Variants in IL34 observed in about 807,000 individuals in gnomAD.
The protein encoded by IL34 is interleukin 34, also known as interleukin-34.
Under a neutral mutation model 25.3 loss-of-function variants are expected in IL34, and 17 were observed. That is an observed-to-expected ratio of 0.67 (90% CI 0.46 to 1.01). The LOEUF is 1.01. Ranked by LOEUF, IL34 falls within the 50% of genes least tolerant of loss-of-function variation. IL34 has a pLI of 0.00. For synonymous variants in IL34, 174 were observed against 140.9 expected (o/e 1.23, Z -1.66); for missense variants, 368 against 312.9 (o/e 1.18, Z -1.33).
chr16:70,585,199 C>T (rs1339687560), intron 1 of IL34, among the ~76,000 whole-genome samples: 1 of 152,198 alleles, frequency 6.6e-6, no homozygotes, highest in Non-Finnish European at 1.5e-5. Context: ...TAAGTGGAAT[C>T]ATAATCATAC....
intron 1 of IL34, among the ~76,000 whole-genome samples, chr16:70,634,186 T>C (rs2051586532): frequency 6.6e-6 from 1 of 152,076 alleles, no homozygotes; most frequent in Admixed American, 6.6e-5. Flanking sequence ...AGTCATTGTA[T>C]TGGGCCTACT....
At chr16:70,627,224 TA>T (rs2151845227) in intron 1 of IL34, among the ~76,000 whole-genome samples, 1 of 152,296 alleles carries the variant, frequency 6.6e-6, no homozygotes, top group South Asian at 2.1e-4. Flanking sequence ...ATTTGAACTT[TA>T]ACATCTAATA....
At chr16:70,639,274 C>T (rs574612127) in intron 1 of IL34, among the ~76,000 whole-genome samples, 5 of 152,270 alleles carry the variant, frequency 3.3e-5, no homozygotes, top group Non-Finnish European at 5.9e-5. Flanking sequence ...CGTCCAGAAC[C>T]CAGCCAATCT....
Position 70,660,163 on chromosome 16 carries a change from A to G in IL34, c.705A>G (p.Ala235=). The change falls in exon 6 of 6, where the codon GCA becomes GCG. Residue 235 remains alanine (A), a synonymous_variant. Coordinates refer to ENST00000288098, the MANE Select transcript of IL34 (RefSeq NM_001393494.1). Reference sequence around the variant, plus strand: ...CGGGCTCGGTGAGGCCGGTCAGGGCACAGGGCGAGGGCCTCTTGCCCTGAG... The same window carrying G: ...CGGGCTCGGTGAGGCCGGTCAGGGCGCAGGGCGAGGGCCTCTTGCCCTGAG... ...HSTGSVRPVR[A]QGEGLLP is the part of the protein sequence containing the mutation. 6.2e-7 allele frequency: 1 copy of G among 1,602,118 alleles called. No homozygotes were observed. Among genetic ancestry groups the G allele is most frequent in the Non-Finnish European group, 8.5e-7 (1 of 1,174,916 alleles).
intron 1 of IL34, among the ~76,000 whole-genome samples, chr16:70,584,034 C>T (rs1259357812): frequency 6.6e-6 from 1 of 152,204 alleles, no homozygotes; most frequent in Non-Finnish European, 1.5e-5. Context: ...CTTCCCCTGC[C>T]CCCAAGGCAA....
intron 1 of IL34, among the ~76,000 whole-genome samples, chr16:70,629,746 A>G (rs1446285191): frequency 1.3e-5 from 2 of 151,772 alleles, no homozygotes; most frequent in Non-Finnish European, 2.9e-5. Flanking sequence ...CATAGTAGAT[A>G]TATATATTTA....
intron 1 of IL34, among the ~76,000 whole-genome samples, chr16:70,634,953 T>G (rs2051609492): frequency 6.6e-6 from 1 of 152,238 alleles, no homozygotes; most frequent in East Asian, 1.9e-4. Context: ...ACTGTCTGAT[T>G]ATGGCACAGT....
chr16:70,619,694 A>G (rs12599982), intron 1 of IL34, among the ~76,000 whole-genome samples: 87,084 of 150,764 alleles, frequency 0.58, 27,973 homozygotes, highest in African/African-American at 0.89. Flanking sequence ...GATGGTCTAC[A>G]GGGCTTTCGA....
chr16:70,637,034 G>A (rs1410495969), intron 1 of IL34, among the ~76,000 whole-genome samples: 4 of 151,732 alleles, frequency 2.6e-5, no homozygotes, highest in South Asian at 4.2e-4. Flanking sequence ...CTAATTTTTT[G>A]TATTTTTAGT....
At chr16:70,624,298 C>A (rs1461693613) in intron 1 of IL34, among the ~76,000 whole-genome samples, 4 of 151,856 alleles carry the variant, frequency 2.6e-5, no homozygotes, top group African/African-American at 7.3e-5. Flanking sequence ...GTGGTTCAGG[C>A]ATTTGGAAGT....
chr16:70,589,111 C>T (rs1167577871), intron 1 of IL34, among the ~76,000 whole-genome samples: 2 of 151,992 alleles, frequency 1.3e-5, no homozygotes, highest in African/African-American at 4.8e-5. Context: ...GCAGGAGAAT[C>T]GCTTGAACCC....
chr16:70,638,791 A>G (rs1252050359), intron 1 of IL34, among the ~76,000 whole-genome samples: 1 of 152,158 alleles, frequency 6.6e-6, no homozygotes, highest in East Asian at 1.9e-4. Context: ...TATGTTGCCC[A>G]GGCTGGTCTC....
Position 70,646,733 on chromosome 16 carries a change from C to G in IL34, c.-215C>G. On this transcript the variant is annotated 5_prime_UTR_variant, in exon 1 of 6. Coordinates refer to ENST00000288098, the MANE Select transcript of IL34 (RefSeq NM_001393494.1). The stretch of plus-strand genomic sequence containing the variant: ...GCCATGGGACTTGCGGCCACCGCCC[C>G]CCGGCTGTCCTCCACGCTGCCGGGC... The G allele has an allele frequency of 2.0e-6, 1 of 495,984 alleles. No homozygotes were observed. The highest frequency in any genetic ancestry group is 3.5e-6 in the Non-Finnish European group (1 of 286,414). The allele number at this position is 495,984 out of a possible 1,614,324, so 30.7% of individuals were successfully genotyped here. A position where few individuals can be genotyped will look rare whatever the true frequency, so the allele number is the denominator to read the frequency against.
At position 70,646,901 on chromosome 16, in the gene IL34, C is replaced by A. The variant is rs868038962; in HGVS notation, c.-47C>A. On this transcript the variant is annotated 5_prime_UTR_variant, in exon 1 of 6. It adds an upstream start codon to the 5' untranslated region. Transcript: ENST00000288098. ...CCGTGCTTAGGCCTCTGTGGACACA[C>A]TGCTGGGGACGGCGCCTGAGCTCTC... The A allele has an allele frequency of 1.2e-5, 18 of 1,475,544 alleles. No individual in the cohort carries two copies. The Middle Eastern group carries it at 5.3e-4, about 43-fold the overall frequency. The allele number at this position is 1,475,544 out of a possible 1,614,324, so 91.4% of individuals were successfully genotyped here. A position where few individuals can be genotyped will look rare whatever the true frequency, so the allele number is the denominator to read the frequency against.
chr16:70,616,329 C>T (rs548754766), intron 1 of IL34, among the ~76,000 whole-genome samples: 28 of 152,258 alleles, frequency 1.8e-4, no homozygotes, highest in Admixed American at 1.7e-3. Flanking sequence ...TTAGTTTGCC[C>T]GCATCATTGC....
At chr16:70,615,261 C>A (rs912080506) in intron 1 of IL34, among the ~76,000 whole-genome samples, 3 of 152,200 alleles carry the variant, frequency 2.0e-5, no homozygotes, top group Non-Finnish European at 2.9e-5. Flanking sequence ...GTAATCCCAG[C>A]ACTTTGGGAG....
chr16:70,620,338 C>T (rs940659189), intron 1 of IL34, among the ~76,000 whole-genome samples: 2 of 152,134 alleles, frequency 1.3e-5, no homozygotes, highest in African/African-American at 2.4e-5. Context: ...TTCACCTTGA[C>T]TATGCCTTTG....
chr16:70,651,649 T>A (rs920073293), intron 1 of IL34, among the ~76,000 whole-genome samples: 1 of 151,818 alleles, frequency 6.6e-6, no homozygotes, highest in African/African-American at 2.4e-5. Context: ...CCAGAGGGGC[T>A]GCAAGGACAA....
At chr16:70,587,453 A>T (rs2050708076) in intron 1 of IL34, among the ~76,000 whole-genome samples, 1 of 151,850 alleles carries the variant, frequency 6.6e-6, no homozygotes, top group Non-Finnish European at 1.5e-5. Context: ...ATATTTTTTT[A>T]GTAGAGACGG....
Sources: gnomAD v4.1 joint callset for allele counts (sites outside exome capture counted in the v4.1 genomes callset) on GRCh38, gnomAD v4.1.1 for gene constraint, MANE v1.5 for transcripts, NCBI Gene and HGNC (gene_info 2026-07-23, HGNC 2026-07-21) for gene names.